The following ZC3H12B variants were observed in gnomAD, a reference collection of about 807,000 sequenced individuals.
ZC3H12B encodes the protein probable ribonuclease ZC3H12B.
Under a neutral mutation model 43.9 loss-of-function variants are expected in ZC3H12B, and 7 were observed. That is an observed-to-expected ratio of 0.16 (90% CI 0.09 to 0.30). ZC3H12B has a LOEUF of 0.30. ZC3H12B is among the 10% of genes least tolerant of loss of function. The probability of loss-of-function intolerance (pLI) is 1.00; values close to 1 mark genes in which losing one functional copy is unlikely to be tolerated. For synonymous variants in ZC3H12B, 222 were observed against 241.7 expected (o/e 0.92, Z 0.76); for missense variants, 475 against 670.2 (o/e 0.71, Z 3.22).
chrX:65,314,064 T>A, the ZC3H12B span, among the ~76,000 whole-genome samples: 1 of 111,204 alleles, frequency 9.0e-6, no homozygotes, highest in African/African-American at 3.3e-5. Flanking sequence ...AGAATTGGGA[T>A]GATAGAAGGA....
At chrX:65,139,169 C>G in the ZC3H12B span, among the ~76,000 whole-genome samples, 1 of 111,936 alleles carries the variant, frequency 8.9e-6, no homozygotes, top group Non-Finnish European at 1.9e-5. Context: ...TTGCCAACAC[C>G]AATGTCAAGA....
At chrX:65,190,953 A>G in the ZC3H12B span, among the ~76,000 whole-genome samples, 2 of 95,533 alleles carry the variant, frequency 2.1e-5, 1 homozygote, top group Admixed American at 2.4e-4. Flanking sequence ...GATAGCTCTT[A>G]TTATTTTGAA....
the ZC3H12B span, among the ~76,000 whole-genome samples, chrX:65,078,689 G>A: frequency 9.0e-6 from 1 of 111,380 alleles, no homozygotes; most frequent in Non-Finnish European, 1.9e-5. Context: ...ATGGTATGGA[G>A]ACAAGGAGAA....
At chrX:65,408,390 A>G in intron 3 of ZC3H12B, 1 of 1,202,450 alleles carries the variant, frequency 8.3e-7, no homozygotes, top group Middle Eastern at 2.4e-4. Context: ...CATCAACAAC[A>G]GGTGGCCCAG....
chrX:65,465,225 A>G (rs1182777810), intron 3 of ZC3H12B, among the ~76,000 whole-genome samples: 1 of 110,793 alleles, frequency 9.0e-6, no homozygotes, highest in Non-Finnish European at 1.9e-5. Flanking sequence ...TTATTGTTGA[A>G]TTGTTGGTTT....
the ZC3H12B span, among the ~76,000 whole-genome samples, chrX:65,091,963 A>G: frequency 9.0e-6 from 1 of 111,693 alleles, no homozygotes; most frequent in East Asian, 2.8e-4. Flanking sequence ...GCCTGGTGGG[A>G]TGTGATTAGA....
chrX:65,471,146 T>A (rs1441562879), intron 3 of ZC3H12B, among the ~76,000 whole-genome samples: 3 of 111,905 alleles, frequency 2.7e-5, no homozygotes, highest in Admixed American at 9.5e-5. Context: ...TCCCCACTAT[T>A]ATTATGTTGC....
chrX:65,432,172 C>T (rs1043033865), intron 3 of ZC3H12B, among the ~76,000 whole-genome samples: 2 of 111,581 alleles, frequency 1.8e-5, no homozygotes, highest in African/African-American at 6.5e-5. Context: ...CACATATATG[C>T]CACTTCCATT....
intron 3 of ZC3H12B, chrX:65,469,602 C>A (rs2067878552): frequency 1.3e-5 from 3 of 228,178 alleles, no homozygotes; most frequent in African/African-American, 2.9e-5. Flanking sequence ...GCCTCAGCAC[C>A]CAGGTCTAGC....
At chrX:65,345,991 A>T in the ZC3H12B span, among the ~76,000 whole-genome samples, 5 of 111,971 alleles carry the variant, frequency 4.5e-5, no homozygotes, top group Admixed American at 3.8e-4. Context: ...ATGGAAAAAC[A>T]TTCCCTGTTC....
At chrX:65,355,641 C>A in the ZC3H12B span, among the ~76,000 whole-genome samples, 3 of 111,448 alleles carry the variant, frequency 2.7e-5, no homozygotes, top group Admixed American at 9.6e-5. Flanking sequence ...GCACACTAAA[C>A]CATAGTGTAC....
At chrX:65,426,548 T>C (rs1458307008) in intron 3 of ZC3H12B, among the ~76,000 whole-genome samples, 1 of 110,921 alleles carries the variant, frequency 9.0e-6, no homozygotes, top group East Asian at 2.8e-4. Context: ...CTCTAGTTCT[T>C]TTAATTGAGA....
rs187443101 is a variant in ZC3H12B at position 65,407,633 on chromosome X, G to C, written n.407+8929G>C. On this transcript the variant is annotated intron_variant and non_coding_transcript_variant, in intron 3 of 5. Transcript: ENST00000617377. Reference sequence around the variant, plus strand: ...TCGGGGAAAACCCGAAGAGGAGGCGGACCAGGAGAAGAGCAAAGAAAAGCA... The same window carrying C: ...TCGGGGAAAACCCGAAGAGGAGGCGCACCAGGAGAAGAGCAAAGAAAAGCA... 8.2e-3 allele frequency among the ~76,000 whole-genome samples: 932 copies of C among 113,600 alleles called. 6 individuals carry two copies. Among genetic ancestry groups the C allele is most frequent in the Non-Finnish European group, 0.014 (767 of 53,321 alleles).
intron 3 of ZC3H12B, among the ~76,000 whole-genome samples, chrX:65,410,107 GAA>G (rs35885886): frequency 7.8e-3 from 353 of 45,526 alleles, no homozygotes; most frequent in Middle Eastern, 0.017. Context: ...TATTAAATCA[GAA>G]AAAAAAAAAA....
At chrX:65,120,004 A>G in the ZC3H12B span, among the ~76,000 whole-genome samples, 2 of 111,643 alleles carry the variant, frequency 1.8e-5, no homozygotes, top group Non-Finnish European at 3.8e-5. Flanking sequence ...CCATTGGTCT[A>G]TATGTCTGTT....
At chrX:65,307,249 A>G in the ZC3H12B span, among the ~76,000 whole-genome samples, 3 of 112,255 alleles carry the variant, frequency 2.7e-5, no homozygotes, top group Non-Finnish European at 3.8e-5. Context: ...ATGTAAATAC[A>G]GTGTCTAGTA....
At chrX:65,394,660 A>C (rs1017518524) in intron 2 of ZC3H12B, among the ~76,000 whole-genome samples, 2 of 111,003 alleles carry the variant, frequency 1.8e-5, no homozygotes, top group African/African-American at 6.5e-5. Flanking sequence ...TGTTCTTTTT[A>C]CTTAGGATTG....
chrX:65,305,044 A>G, the ZC3H12B span, among the ~76,000 whole-genome samples: 1 of 112,215 alleles, frequency 8.9e-6, no homozygotes, highest in African/African-American at 3.2e-5. Flanking sequence ...AAATAAACAC[A>G]AGAAACAATG....
chrX:65,154,354 C>G, the ZC3H12B span, among the ~76,000 whole-genome samples: 1 of 111,735 alleles, frequency 8.9e-6, no homozygotes, highest in African/African-American at 3.3e-5. Context: ...TGTAAATTAT[C>G]TTTTAAAAAT....
Sources: allele counts gnomAD v4.1 joint callset (sites outside exome capture counted in the v4.1 genomes callset), GRCh38; gene constraint gnomAD v4.1.1; transcripts MANE v1.5; gene names NCBI Gene and HGNC (gene_info 2026-07-23, HGNC 2026-07-21).